The following RCAN2 variants were observed in gnomAD, a reference collection of about 807,000 sequenced individuals.
RCAN2 encodes regulator of calcineurin 2, also known as calcipressin-2.
RCAN2 carries 9 observed loss-of-function variants against 23.6 expected under a neutral mutation model. The ratio of observed to expected loss-of-function variants is 0.38; its 90% CI spans 0.23 to 0.67. The LOEUF is 0.67. RCAN2 is among the 30% of genes least tolerant of loss of function. RCAN2 has a pLI of 0.51. For synonymous variants in RCAN2, 109 were observed against 115.7 expected (o/e 0.94, Z 0.37); for missense variants, 273 against 302.3 (o/e 0.90, Z 0.72).
In RCAN2 at chr6:46,360,427, C is replaced by T. The variant is rs539836643; in HGVS notation, c.225+96325G>A. ...TGGGCACCTGTAGTCCCAGCTCCTC[C>T]GGAGGCTGAGGCAGGAGAATGGTGT... On this transcript the variant is annotated intron_variant, in intron 2 of 4. Transcript: ENST00000371374. Among the ~76,000 whole-genome samples the T allele has an allele frequency of 1.0e-4, 15 of 147,876 alleles. 1 individual carries two copies. In the South Asian group the frequency reaches 1.1e-3, roughly 11 times the overall value.
At chr6:46,409,286 T>C (rs1203818506) in intron 2 of RCAN2, among the ~76,000 whole-genome samples, 4 of 152,216 alleles carry the variant, frequency 2.6e-5, no homozygotes, top group African/African-American at 9.6e-5. Flanking sequence ...TTAGTAAGTA[T>C]GGAAGGGTTA....
intron 2 of RCAN2, among the ~76,000 whole-genome samples, chr6:46,381,556 G>A (rs936971674): frequency 1.3e-5 from 2 of 152,192 alleles, no homozygotes; most frequent in African/African-American, 4.8e-5. Flanking sequence ...CCCTCACACA[G>A]TAATCCTACT....
Position 46,306,239 on chromosome 6 carries a change from G to A in RCAN2, c.226-57343C>T, listed in dbSNP as rs73452269. Among the ~76,000 whole-genome samples, 627 of 152,118 alleles carry A rather than the reference G, an allele frequency of 4.1e-3. 4 individuals are homozygous for A. Among genetic ancestry groups the A allele is most frequent in the African/African-American group, 0.014 (575 of 41,506 alleles). ...CAAACGATGAGAGTTGTCAACAGAC[G>A]GCTCCACTGAAATCCCCTATTCCTT... On this transcript the variant is annotated intron_variant, in intron 2 of 4. Coordinates refer to ENST00000371374, the MANE Select transcript of RCAN2 (RefSeq NM_001251974.2).
chr6:46,397,783 C>G (rs1766139333), intron 2 of RCAN2, among the ~76,000 whole-genome samples: 1 of 152,014 alleles, frequency 6.6e-6, no homozygotes, highest in South Asian at 2.1e-4. Flanking sequence ...CCATGCAGCC[C>G]CACTCAGCTA....
Position 46,339,565 on chromosome 6 carries a change from CT to C in RCAN2, c.226-90670del, listed in dbSNP as rs1242974031. 8.5e-5 allele frequency among the ~76,000 whole-genome samples: 13 copies of C among 152,190 alleles called. 1 individual carries two copies. In the East Asian group the frequency reaches 2.1e-3, roughly 25 times the overall value. Reference sequence around the variant, plus strand: ...GGGAAGCTATGGGGAAGCAGCTAGACTATTAAACAGTGGCTTGACATGAACA... The same window carrying C: ...GGGAAGCTATGGGGAAGCAGCTAGACATTAAACAGTGGCTTGACATGAACA... On this transcript the variant is annotated intron_variant, in intron 2 of 4. Coordinates refer to ENST00000371374, the MANE Select transcript of RCAN2 (RefSeq NM_001251974.2).
At chr6:46,395,473 A>G (rs1442063576) in intron 2 of RCAN2, among the ~76,000 whole-genome samples, 1 of 152,206 alleles carries the variant, frequency 6.6e-6, no homozygotes, top group Non-Finnish European at 1.5e-5. Context: ...AAATATAATC[A>G]AAGTCTTTTA....
chr6:46,469,271 C>G (rs916845633), intron 1 of RCAN2, among the ~76,000 whole-genome samples: 3 of 152,188 alleles, frequency 2.0e-5, no homozygotes, highest in Non-Finnish European at 4.4e-5. Flanking sequence ...TAATTAATCT[C>G]CCACTTCTAG....
chr6:46,375,633 A>C (rs182323974), intron 2 of RCAN2, among the ~76,000 whole-genome samples: 3 of 152,294 alleles, frequency 2.0e-5, no homozygotes, highest in Admixed American at 2.0e-4. Context: ...TTATGCTTCT[A>C]TGTCAGGGAT....
At chr6:46,415,611 C>T (rs1766690683) in intron 2 of RCAN2, among the ~76,000 whole-genome samples, 2 of 151,852 alleles carry the variant, frequency 1.3e-5, no homozygotes, top group South Asian at 4.2e-4. Context: ...GAGGGCTGGG[C>T]AGAGGAAGAG....
intron 2 of RCAN2, among the ~76,000 whole-genome samples, chr6:46,323,887 CATT>C (rs1763701183): frequency 6.6e-6 from 1 of 152,176 alleles, no homozygotes; most frequent in Non-Finnish European, 1.5e-5. Flanking sequence ...AATATTTTCT[CATT>C]ATCTTTTCTG....
chr6:46,446,708 G>A (rs570027318), intron 2 of RCAN2, among the ~76,000 whole-genome samples: 2 of 152,234 alleles, frequency 1.3e-5, no homozygotes, highest in Admixed American at 1.3e-4. Context: ...AACATAAAAT[G>A]CGGAAAGAGG....
chr6:46,477,373 T>G (rs1482169229), intron 1 of RCAN2, among the ~76,000 whole-genome samples: 4 of 152,160 alleles, frequency 2.6e-5, no homozygotes, highest in Admixed American at 6.5e-5. Flanking sequence ...CATTTTTGGG[T>G]AACACATAAA....
intron 2 of RCAN2, among the ~76,000 whole-genome samples, chr6:46,400,758 G>A (rs1204477587): frequency 3.9e-5 from 6 of 152,190 alleles, no homozygotes; most frequent in Non-Finnish European, 8.8e-5. Context: ...AGGGGCCACT[G>A]CCCCACAGCA....
intron 2 of RCAN2, among the ~76,000 whole-genome samples, chr6:46,259,237 G>A (rs959961721): frequency 2.0e-5 from 3 of 152,080 alleles, no homozygotes; most frequent in Non-Finnish European, 4.4e-5. Context: ...ATAAACATTG[G>A]AGGTTTGTTT....
intron 1 of RCAN2, among the ~76,000 whole-genome samples, chr6:46,457,828 C>T (rs990161376): frequency 4.6e-5 from 7 of 152,190 alleles, no homozygotes; most frequent in East Asian, 1.9e-4. Context: ...GTATTGATTT[C>T]ACCTAGCTGT....
intron 2 of RCAN2, among the ~76,000 whole-genome samples, chr6:46,399,608 G>C (rs576756845): frequency 5.3e-4 from 80 of 151,936 alleles, no homozygotes; most frequent in Middle Eastern, 3.4e-3. Flanking sequence ...AGACCCTTTG[G>C]GTGCATCTGT....
intron 2 of RCAN2, among the ~76,000 whole-genome samples, chr6:46,442,807 C>A (rs1767590920): frequency 6.6e-6 from 1 of 152,156 alleles, no homozygotes; most frequent in Non-Finnish European, 1.5e-5. Context: ...TTTAGAGTAG[C>A]TTGTCAGGCT....
chr6:46,458,828 A>C (rs1391948070), intron 1 of RCAN2, among the ~76,000 whole-genome samples: 5 of 152,236 alleles, frequency 3.3e-5, no homozygotes, highest in Non-Finnish European at 7.3e-5. Flanking sequence ...AATAGTAAAA[A>C]TATTTAGTAA....
At chr6:46,351,513 A>T (rs568837611) in intron 2 of RCAN2, among the ~76,000 whole-genome samples, 21 of 152,312 alleles carry the variant, frequency 1.4e-4, no homozygotes, top group Non-Finnish European at 2.8e-4. Context: ...AAAATCTCTC[A>T]CATACCAATG....
Sources: allele counts gnomAD v4.1 joint callset (sites outside exome capture counted in the v4.1 genomes callset), GRCh38; gene constraint gnomAD v4.1.1; transcripts MANE v1.5; gene names NCBI Gene and HGNC (gene_info 2026-07-23, HGNC 2026-07-21).